PNPLA4: variants seen among roughly 807,000 people sequenced by gnomAD.
The protein encoded by PNPLA4 is patatin like domain 4, phospholipase and triacylglycerol lipase.
In PNPLA4, 15 loss-of-function variants were observed where a neutral mutation model predicts 18.3. The observed-to-expected ratio is 0.82, with a 90% CI of 0.55 to 1.26. The LOEUF (loss-of-function observed/expected upper bound fraction) is 1.26, where lower values mean the gene tolerates loss of function less well. PNPLA4 is among the 50% of genes most tolerant of loss of function. The probability of loss-of-function intolerance (pLI) is 0.00; values close to 1 mark genes in which losing one functional copy is unlikely to be tolerated. For synonymous variants in PNPLA4, 88 were observed against 85.6 expected (o/e 1.03, Z -0.16); for missense variants, 229 against 196.8 (o/e 1.16, Z -0.98).
intron 5 of PNPLA4, among the ~76,000 whole-genome samples, chrX:7,905,951 A>T (rs913527788): frequency 1.8e-5 from 2 of 112,468 alleles, no homozygotes; most frequent in Non-Finnish European, 3.8e-5. Context: ...CTTTACAGAG[A>T]ATAAAACATC....
At chrX:7,907,779 G>A (rs952689962) in intron 5 of PNPLA4, among the ~76,000 whole-genome samples, 3 of 108,320 alleles carry the variant, frequency 2.8e-5, no homozygotes, top group Admixed American at 2.0e-4. Flanking sequence ...GGAGTACGGT[G>A]GTGTGATCAT....
At chrX:7,905,253 C>T (rs1015046481) in intron 5 of PNPLA4, among the ~76,000 whole-genome samples, 2 of 112,853 alleles carry the variant, frequency 1.8e-5, no homozygotes, top group Non-Finnish European at 3.7e-5. Flanking sequence ...CTACCCATTA[C>T]ACCTAAACAG....
intron 4 of PNPLA4, among the ~76,000 whole-genome samples, chrX:7,918,775 C>G (rs1205402855): frequency 3.6e-5 from 4 of 111,697 alleles, no homozygotes; most frequent in African/African-American, 1.3e-4. Flanking sequence ...CCACTTCTTT[C>G]ACCGGAACAT....
At chrX:7,904,449 C>A (rs761020774) in intron 5 of PNPLA4, among the ~76,000 whole-genome samples, 39 of 111,479 alleles carry the variant, frequency 3.5e-4, no homozygotes, top group Non-Finnish European at 7.0e-4. Context: ...GCAATGATAC[C>A]GGCTCCTTCA....
At chrX:7,900,955 G>A in intron 6 of PNPLA4, 138 bp from the exon 7 acceptor site, 1 of 471,883 alleles carries the variant, frequency 2.1e-6, no homozygotes. Flanking sequence ...TTAAACTTCA[G>A]AAGTTACCTC....
chrX:7,914,967 T>C (rs1377073068), intron 4 of PNPLA4, among the ~76,000 whole-genome samples: 14 of 112,011 alleles, frequency 1.2e-4, no homozygotes, highest in Non-Finnish European at 1.9e-5. Flanking sequence ...TCCCTTTATA[T>C]GGACTGATGA....
intron 5 of PNPLA4, among the ~76,000 whole-genome samples, chrX:7,907,222 T>A (rs1409303338): frequency 9.0e-6 from 1 of 111,298 alleles, no homozygotes; most frequent in African/African-American, 3.3e-5. Flanking sequence ...TTTCACCACG[T>A]TAGCCAGGCT....
intron 4 of PNPLA4, 122 bp downstream of exon 4, chrX:7,921,591 C>A (rs1220206064): frequency 8.0e-6 from 5 of 624,776 alleles, no homozygotes; most frequent in South Asian, 2.7e-5. Context: ...GAGCACTCAA[C>A]CATCTATCGG....
intron 2 of PNPLA4, among the ~76,000 whole-genome samples, chrX:7,922,746 A>G (rs188165519): frequency 1.8e-4 from 20 of 112,096 alleles, no homozygotes; most frequent in Non-Finnish European, 2.3e-4. Flanking sequence ...GTCTATCCCA[A>G]TATCTCATTA....
chrX:7,914,390 C>T (rs911619971), intron 4 of PNPLA4, among the ~76,000 whole-genome samples: 4 of 111,562 alleles, frequency 3.6e-5, no homozygotes, highest in Non-Finnish European at 7.5e-5. Flanking sequence ...CTCAGTCCAC[C>T]GGTAGCAATG....
chrX:7,907,722 TCTTTC>T (rs1923750021), intron 5 of PNPLA4, among the ~76,000 whole-genome samples: 1 of 110,309 alleles, frequency 9.1e-6, no homozygotes, highest in South Asian at 3.8e-4. Context: ...CAGTTTTCTT[TCTTTC>T]TTTTTTTTTT....
chrX:7,899,549 G>C lies in PNPLA4; in HGVS notation c.*1137C>G, dbSNP rs913169634. 2 of 105,006 alleles carry C rather than the reference G, an allele frequency of 1.9e-5. No homozygotes were observed. Among genetic ancestry groups the C allele is most frequent in the Non-Finnish European group, 3.9e-5 (2 of 51,581 alleles). The allele number at this position is 105,006 out of a possible 1,213,427, so 8.7% of individuals were successfully genotyped here. ...GCTACTTGGTTCTTTGTGTTTAGTA[G>C]TATTTTATCTATTTAAGTTCCCATA... On this transcript the variant is annotated 3_prime_UTR_variant, in exon 7 of 7. Transcript: ENST00000381042.
chrX:7,910,753 T>C (rs1216923772), intron 5 of PNPLA4, among the ~76,000 whole-genome samples: 1 of 110,158 alleles, frequency 9.1e-6, no homozygotes, highest in Non-Finnish European at 1.9e-5. Context: ...CTCTGGTATG[T>C]GCTAAACAGA....
chrX:7,909,711 C>T (rs1298814064), intron 5 of PNPLA4, among the ~76,000 whole-genome samples: 2 of 111,114 alleles, frequency 1.8e-5, no homozygotes, highest in East Asian at 2.8e-4. Context: ...TCATGATGAA[C>T]AAGAGCTGCT....
chrX:7,906,897 G>A (rs1186021661), intron 5 of PNPLA4, among the ~76,000 whole-genome samples: 2 of 112,477 alleles, frequency 1.8e-5, no homozygotes, highest in Non-Finnish European at 3.7e-5. Context: ...TCACGTTCCT[G>A]TAATAGTATA....
At chrX:7,922,649 T>C (rs1924268717) in intron 2 of PNPLA4, among the ~76,000 whole-genome samples, 1 of 112,302 alleles carries the variant, frequency 8.9e-6, no homozygotes, top group Admixed American at 9.4e-5. Context: ...GAGGTGACAC[T>C]GTCAGTTCAT....
intron 4 of PNPLA4, among the ~76,000 whole-genome samples, chrX:7,914,311 T>G (rs1414421299): frequency 3.6e-5 from 4 of 111,729 alleles, no homozygotes; most frequent in Admixed American, 1.9e-4. Flanking sequence ...TTGGGTGATT[T>G]GGTGAAGATC....
chrX:7,905,014 A>G (rs1923663372), intron 5 of PNPLA4, among the ~76,000 whole-genome samples: 1 of 112,486 alleles, frequency 8.9e-6, no homozygotes, highest in Non-Finnish European at 1.9e-5. Context: ...TCCCACTGCT[A>G]GACCTACTAC....
At position 7,902,062 on chromosome X, in the gene PNPLA4, C is replaced by T. The variant is rs1335509645; in HGVS notation, c.557G>A (p.Gly186Glu). The change falls in exon 6 of 7, where the codon GGA becomes GAA. Residue 186 changes from glycine to glutamate, a missense_variant. Coordinates refer to ENST00000381042, the MANE Select transcript of PNPLA4 (RefSeq NM_004650.3). ...GTCCTGCGGGGAGATGTCCAGTCGT[C>T]CACTGAAGGGGGAGATGGTTACTGT... ...GRTVTISPFS[G>E]RLDISPQDKG... is the part of the protein sequence containing the mutation. The T allele has an allele frequency of 1.2e-5, 15 of 1,207,106 alleles. No homozygotes were observed. The highest frequency in any genetic ancestry group is 1.7e-5 in the Non-Finnish European group (15 of 893,632).
Sources: allele counts gnomAD v4.1 joint callset (sites outside exome capture counted in the v4.1 genomes callset), GRCh38; gene constraint gnomAD v4.1.1; transcripts MANE v1.5; gene names NCBI Gene and HGNC (gene_info 2026-07-23, HGNC 2026-07-21).